FLT3: variants seen among roughly 807,000 people sequenced by gnomAD.
FLT3 encodes fms related receptor tyrosine kinase 3, also known as receptor-type tyrosine-protein kinase FLT3.
Under a neutral mutation model 126.6 loss-of-function variants are expected in FLT3, and 46 were observed. The ratio of observed to expected loss-of-function variants is 0.36; its 90% CI spans 0.29 to 0.46. FLT3 has a LOEUF of 0.46. FLT3 is among the 20% of genes least tolerant of loss of function. FLT3 has a pLI of 1.00. For missense variants in FLT3, 1,069 were observed against 1,190.3 expected, an observed-to-expected ratio of 0.90 and a Z score of 1.50; for synonymous variants, 404 against 434.4, an observed-to-expected ratio of 0.93 and a Z score of 0.87.
At chr13:28,026,893 C>CT (rs1468314394) in intron 17 of FLT3, among the ~76,000 whole-genome samples, 195 bp downstream of exon 17, 9 of 152,142 alleles carry the variant, frequency 5.9e-5, no homozygotes, top group Non-Finnish European at 1.0e-4. Flanking sequence ...GCTATAGTAC[C>CT]TGTACTGAAG....
chr13:28,015,256 C>A lies in FLT3; in HGVS notation c.2654G>T (p.Gly885Val), dbSNP rs1423011599. The A allele has an allele frequency of 6.3e-7, 1 of 1,583,416 alleles. No homozygotes were observed. The highest frequency in any genetic ancestry group is 8.7e-7 in the Non-Finnish European group (1 of 1,152,892). Reference protein sequence around the residue: ...GILLWEIFSLGVNPYPGIPVD... With the variant: ...GILLWEIFSLVVNPYPGIPVD... ...CGGAATGCCAGGGTAAGGATTCACA[C>A]CTGAGGAAAACATTAGACAATTGCA... The change falls in exon 22 of 24, where the codon GGT becomes GTT. Residue 885 changes from glycine to valine, a missense_variant and splice_region_variant. Physicochemically the swap from Gly to Val is moderately radical, Grantham distance 109. Coordinates refer to ENST00000241453, the MANE Select transcript of FLT3 (RefSeq NM_004119.3).
At chr13:28,033,838 G>A (rs2137671839) in intron 15 of FLT3, 49 bp downstream of exon 15, 1 of 1,336,452 alleles carries the variant, frequency 7.5e-7, no homozygotes, top group Non-Finnish European at 1.1e-6. Context: ...GGGAAACTGT[G>A]CCTCCCATTT....
At chr13:28,033,030 C>G (rs770490219) in intron 15 of FLT3, among the ~76,000 whole-genome samples, 1 of 152,028 alleles carries the variant, frequency 6.6e-6, no homozygotes, top group Non-Finnish European at 1.5e-5. Context: ...CCAGTTTTCT[C>G]TCCTACCCAG....
intron 2 of FLT3, among the ~76,000 whole-genome samples, chr13:28,066,815 A>G (rs9581970): frequency 0.18 from 27,567 of 152,160 alleles, 2,601 homozygotes; most frequent in Middle Eastern, 0.24. Context: ...AATGGGTGCT[A>G]AAATCAGTAG....
At chr13:28,080,736 T>G (rs1441896886) in intron 1 of FLT3, among the ~76,000 whole-genome samples, 1 of 152,212 alleles carries the variant, frequency 6.6e-6, no homozygotes, top group Middle Eastern at 3.2e-3. Context: ...TAATCTTAAA[T>G]CAGAAAGGTT....
chr13:28,022,523 A>G (rs933485145), intron 19 of FLT3, among the ~76,000 whole-genome samples: 1 of 152,126 alleles, frequency 6.6e-6, no homozygotes, highest in African/African-American at 2.4e-5. Flanking sequence ...AAACAAAACA[A>G]AACAAAACAA....
chr13:28,085,357 AAAAAAAAAAAAGAAAAG>A (rs1412888369), intron 1 of FLT3, among the ~76,000 whole-genome samples: 5 of 151,392 alleles, frequency 3.3e-5, no homozygotes, highest in Non-Finnish European at 7.4e-5. Flanking sequence ...AAAAAAAAAA[AAAAAAAAAAAAGAAAAG>A]AAAAAAGAGG....
In FLT3 at chr13:28,082,742, C is replaced by T. The variant is rs375218524; in HGVS notation, c.44-12130G>A. On this transcript the variant is annotated intron_variant, in intron 1 of 23. Transcript: ENST00000241453. Reference sequence around the variant, plus strand: ...TTTTTGAGACGGAGTCTTGCTCTGTCGCCCAGGCTGGAGTGCAGTGGCGCG... The same window carrying T: ...TTTTTGAGACGGAGTCTTGCTCTGTTGCCCAGGCTGGAGTGCAGTGGCGCG... 2.6e-4 allele frequency among the ~76,000 whole-genome samples: 40 copies of T among 151,944 alleles called. 1 individual carries two copies. The East Asian group carries it at 6.4e-3, about 24-fold the overall frequency.
intron 15 of FLT3, among the ~76,000 whole-genome samples, chr13:28,032,394 C>T (rs1873422718): frequency 6.6e-6 from 1 of 152,170 alleles, no homozygotes; most frequent in African/African-American, 2.4e-5. Context: ...CACAGGGATG[C>T]CCCATAAAAA....
intron 2 of FLT3, among the ~76,000 whole-genome samples, chr13:28,065,861 GT>G (rs1876984311): frequency 6.6e-6 from 1 of 150,946 alleles, no homozygotes; most frequent in Admixed American, 6.6e-5. Flanking sequence ...AATAATCCAG[GT>G]GTGGTGGCTC....
intron 1 of FLT3, 75 bp from the exon 2 acceptor site, chr13:28,070,687 C>T (rs530954633): frequency 2.5e-6 from 3 of 1,178,536 alleles, no homozygotes; most frequent in South Asian, 2.8e-5. Flanking sequence ...ATCTTGCAAC[C>T]AAACAACAAA....
intron 1 of FLT3, among the ~76,000 whole-genome samples, chr13:28,094,325 T>A (rs1473067565): frequency 6.6e-6 from 1 of 152,170 alleles, no homozygotes; most frequent in African/African-American, 2.4e-5. Flanking sequence ...TAGCATAGAC[T>A]GTAAATAATT....
At chr13:28,061,485 G>A (rs1876556510) in intron 3 of FLT3, among the ~76,000 whole-genome samples, 1 of 152,154 alleles carries the variant, frequency 6.6e-6, no homozygotes, top group Non-Finnish European at 1.5e-5. Flanking sequence ...ACAGGCCGAG[G>A]CCAGGCGCAG....
chr13:28,077,036 AG>A, intron 1 of FLT3, among the ~76,000 whole-genome samples: 2 of 150,442 alleles, frequency 1.3e-5, no homozygotes, highest in South Asian at 2.1e-4. Context: ...AGAAAGAGAG[AG>A]AGAGAGAGGA....
At chr13:28,015,527 G>A (rs577857557) in intron 21 of FLT3, 63 bp downstream of exon 21, 2 of 644,476 alleles carry the variant, frequency 3.1e-6, no homozygotes, top group Non-Finnish European at 5.5e-6. Context: ...GGGTGGGGCG[G>A]CACCGAGAGA....
intron 4 of FLT3, among the ~76,000 whole-genome samples, chr13:28,056,385 T>G (rs1876000101): frequency 6.6e-6 from 1 of 152,172 alleles, no homozygotes; most frequent in Admixed American, 6.5e-5. Flanking sequence ...GAGGGGAGCC[T>G]GGCAAGTTGT....
chr13:28,091,793 C>CGT (rs1879124266), intron 1 of FLT3, among the ~76,000 whole-genome samples: 1 of 151,898 alleles, frequency 6.6e-6, no homozygotes, highest in Non-Finnish European at 1.5e-5. Flanking sequence ...ATAGGCCAGG[C>CGT]GTGGCCAGGA....
chr13:28,042,188 T>TAATAACAATAAA (rs1555255326), intron 9 of FLT3, among the ~76,000 whole-genome samples: 1 of 136,700 alleles, frequency 7.3e-6, no homozygotes, highest in South Asian at 2.3e-4. Flanking sequence ...ATAATAATAA[T>TAATAACAATAAA]AAATAAAAAT....
In FLT3 at chr13:28,052,544, C is replaced by T. The variant is rs2137739778; in HGVS notation, c.614+1G>A. On this transcript the variant is annotated splice_donor_variant, in intron 5 of 23. Transcript: ENST00000241453. LOFTEE classifies it high-confidence loss of function. ...TAGCAGCTACCATGGATGTGTCATA[C>T]CTTTCCCCCTGTGAATCGCAAAGCA... The T allele has an allele frequency of 6.2e-7, 1 of 1,612,260 alleles. No homozygotes were observed.
Sources: allele counts gnomAD v4.1 joint callset (sites outside exome capture counted in the v4.1 genomes callset), GRCh38; gene constraint gnomAD v4.1.1; transcripts MANE v1.5; gene names NCBI Gene and HGNC (gene_info 2026-07-23, HGNC 2026-07-21).